The following NAA60 variants were observed in gnomAD, a reference collection of about 807,000 sequenced individuals.
NAA60 encodes N-alpha-acetyltransferase 60.
Under a neutral mutation model 26.1 loss-of-function variants are expected in NAA60, and 8 were observed. The observed-to-expected ratio is 0.31, with a 90% CI of 0.18 to 0.55. The LOEUF (loss-of-function observed/expected upper bound fraction) is 0.55. Among genes scored for constraint, NAA60 ranks in the 20% least tolerant of loss-of-function variants. The pLI is 0.93. For synonymous variants in NAA60, 131 were observed against 122.5 expected (o/e 1.07, Z -0.46); for missense variants, 290 against 311.3 (o/e 0.93, Z 0.51).
At chr16:3,481,819 A>G (rs76184810) in intron 4 of NAA60, among the ~76,000 whole-genome samples, 10,699 of 152,284 alleles carry the variant, frequency 0.07, 426 homozygotes, top group Admixed American at 0.087. Flanking sequence ...CTGGGAGAGC[A>G]GGGAGCCTGG....
At chr16:3,460,126 G>C (rs1427300309) in intron 2 of NAA60, among the ~76,000 whole-genome samples, 3 of 152,172 alleles carry the variant, frequency 2.0e-5, no homozygotes, top group African/African-American at 7.2e-5. Context: ...GCAGAGAAGA[G>C]GCTTCAGCCC....
chr16:3,474,272 C>T (rs758125151), intron 2 of NAA60, among the ~76,000 whole-genome samples: 6 of 152,198 alleles, frequency 3.9e-5, no homozygotes, highest in African/African-American at 7.2e-5. Context: ...GGGGATACCC[C>T]GGGAAGTGGC....
chr16:3,480,400 C>T (rs2151014517), intron 4 of NAA60, among the ~76,000 whole-genome samples: 1 of 152,144 alleles, frequency 6.6e-6, no homozygotes. Flanking sequence ...AGTTCAAGAC[C>T]AGCCTGGCCA....
In NAA60 at chr16:3,466,072, G is replaced by A. The variant is rs370586597; in HGVS notation, c.-6-10150G>A. On this transcript the variant is annotated intron_variant, in intron 2 of 7. Transcript: ENST00000407558. ...GTGCACAGCTTCACCCAGCAGATCC[G>A]TACGTTTTGACAACTGTGAAACAAG... Among the ~76,000 whole-genome samples, 198 of 152,298 alleles carry A rather than the reference G, an allele frequency of 1.3e-3. 4 individuals are homozygous for A. In the South Asian group the frequency reaches 0.026, roughly 20 times the overall value.
chr16:3,484,773 A>G lies in NAA60; in HGVS notation c.647A>G (p.Gln216Arg), dbSNP rs1388314452. 1 of 1,590,232 alleles carries G rather than the reference A, an allele frequency of 6.3e-7. No individual in the cohort carries two copies. The highest frequency in any genetic ancestry group is 1.8e-5 in the Admixed American group (1 of 56,840). ...PCSIPHRVYR[Q>R]AHSLLCSFLP... ...TCCATTCCGCACAGAGTCTACCGCC[A>G]GGCCCACAGCCTGCTCTGCAGCTTC... is the stretch of plus-strand genomic sequence containing the variant. The change falls in exon 7 of 8, where the codon CAG becomes CGG. Residue 216 changes from glutamine to arginine, a missense_variant. By Grantham distance (43) the Gln-to-Arg change is conservative. Coordinates refer to ENST00000407558, the MANE Select transcript of NAA60 (RefSeq NM_001083601.3).
rs565311711 is a variant in NAA60, at chr16:3,485,078, A to G, written c.*206+17A>G. ...CCGTGGCAGGTACGCCACAGCAGAC[A>G]CAAAGGTATGGGAGCTTGGTGCCTC... is the stretch of plus-strand genomic sequence containing the variant. On this transcript the variant is annotated intron_variant, in intron 7 of 7. Transcript: ENST00000407558. The G allele has an allele frequency of 5.1e-5, 71 of 1,389,930 alleles. No individual in the cohort carries two copies. Among genetic ancestry groups the G allele is most frequent in the Non-Finnish European group, 6.2e-5 (63 of 1,015,382 alleles). 86.1% of individuals were successfully genotyped at this position (1,389,930 alleles called of 1,614,324 possible).
intron 2 of NAA60, among the ~76,000 whole-genome samples, chr16:3,456,173 T>C (rs1400830756): frequency 6.6e-6 from 1 of 152,210 alleles, no homozygotes; most frequent in Non-Finnish European, 1.5e-5. Flanking sequence ...AGGGAGTGTT[T>C]TTTCAAACTG....
Position 3,455,843 on chromosome 16 carries a change from A to T in NAA60, c.-7+7303A>T, listed in dbSNP as rs574557691. On this transcript the variant is annotated intron_variant, in intron 2 of 7. Transcript: ENST00000407558. ...CCACCTCAGCCTTTTAGTAGCTGGG[A>T]TTACAGGCACGCACCACTATGCCCA... Among the ~76,000 whole-genome samples the T allele has an allele frequency of 1.6e-3, 248 of 151,656 alleles. 7 individuals are homozygous for T. In the South Asian group the frequency reaches 0.05, roughly 31 times the overall value.
intron 2 of NAA60, among the ~76,000 whole-genome samples, chr16:3,475,339 C>G (rs1237163013): frequency 1.3e-5 from 2 of 152,192 alleles, no homozygotes; most frequent in South Asian, 2.1e-4. Context: ...GTCCACCCAC[C>G]TTGGCCTCGC....
intron 3 of NAA60, among the ~76,000 whole-genome samples, chr16:3,478,845 G>T (rs897417064): frequency 6.6e-6 from 1 of 152,184 alleles, no homozygotes; most frequent in African/African-American, 2.4e-5. Context: ...AGGGTGAGAA[G>T]GGCCCTAAAA....
chr16:3,471,819 G>C (rs2036166818), intron 2 of NAA60, among the ~76,000 whole-genome samples: 1 of 152,192 alleles, frequency 6.6e-6, no homozygotes. Context: ...CAGGTGGGCA[G>C]CCTTTCCCCC....
intron 2 of NAA60, among the ~76,000 whole-genome samples, chr16:3,457,246 G>A (rs1040338139): frequency 6.6e-6 from 1 of 152,104 alleles, no homozygotes; most frequent in Non-Finnish European, 1.5e-5. Context: ...AGGGGTTCAA[G>A]ACCAGCCTGG....
At chr16:3,484,456 T>TG in intron 6 of NAA60, 1 of 582,540 alleles carries the variant, frequency 1.7e-6, no homozygotes, top group South Asian at 2.1e-5. Context: ...GGTGTCCACA[T>TG]GCCTGCTGCC....
intron 3 of NAA60, among the ~76,000 whole-genome samples, chr16:3,478,783 C>T (rs1407505594): frequency 6.6e-6 from 1 of 152,180 alleles, no homozygotes; most frequent in Non-Finnish European, 1.5e-5. Context: ...CTCCCCTAGT[C>T]TTCAGTGTCC....
chr16:3,475,553 C>T (rs530104734), intron 2 of NAA60, among the ~76,000 whole-genome samples: 3 of 152,278 alleles, frequency 2.0e-5, no homozygotes, highest in South Asian at 2.1e-4. Flanking sequence ...CTGCTCCTCC[C>T]GCCCCTGGAT....
intron 2 of NAA60, among the ~76,000 whole-genome samples, chr16:3,455,698 G>C (rs570743398): frequency 6.7e-6 from 1 of 149,056 alleles, no homozygotes; most frequent in South Asian, 2.1e-4. Context: ...CCCGGCCCAA[G>C]TTTTGGGTTT....
At chr16:3,447,229 A>T (rs950894756) in intron 1 of NAA60, among the ~76,000 whole-genome samples, 5 of 152,216 alleles carry the variant, frequency 3.3e-5, no homozygotes, top group African/African-American at 1.2e-4. Context: ...TTTTGGGAGT[A>T]AAATTGGTTA....
chr16:3,485,901 C>T lies in NAA60; in HGVS notation c.*641C>T, dbSNP rs2037124733. ...CTCAGCCCCCTGGCACAGGCGGTCA[C>T]GCATCAGGACGGTTCCTACTCCTCA... On this transcript the variant is annotated 3_prime_UTR_variant, in exon 8 of 8. Coordinates refer to ENST00000407558, the MANE Select transcript of NAA60 (RefSeq NM_001083601.3). 2.8e-6 allele frequency: 1 copy of T among 352,604 alleles called. No homozygotes were observed. Among genetic ancestry groups the T allele is most frequent in the South Asian group, 2.1e-5 (1 of 47,726 alleles). 21.8% of individuals were successfully genotyped at this position (352,604 alleles called of 1,614,324 possible). A position where few individuals can be genotyped will look rare whatever the true frequency, so the allele number is the denominator to read the frequency against.
intron 2 of NAA60, among the ~76,000 whole-genome samples, chr16:3,466,538 C>T (rs966332349): frequency 6.6e-6 from 1 of 152,238 alleles, no homozygotes; most frequent in Non-Finnish European, 1.5e-5. Context: ...CTGTCACTAA[C>T]GTGCTTTTCT....
Sources: gnomAD v4.1 joint callset for allele counts (sites outside exome capture counted in the v4.1 genomes callset) on GRCh38, gnomAD v4.1.1 for gene constraint, MANE v1.5 for transcripts, NCBI Gene and HGNC (gene_info 2026-07-23, HGNC 2026-07-21) for gene names.